The following SRBD1 variants were observed in gnomAD, a reference collection of about 807,000 sequenced individuals.
SRBD1 encodes the protein S1 RNA-binding domain-containing protein 1.
In SRBD1, 88 loss-of-function variants were observed where a neutral mutation model predicts 115.3. The ratio of observed to expected loss-of-function variants is 0.76; its 90% CI spans 0.64 to 0.91. The LOEUF (loss-of-function observed/expected upper bound fraction) is 0.91. Ranked by LOEUF, SRBD1 falls within the 40% of genes least tolerant of loss-of-function variation. The pLI, the probability that SRBD1 is intolerant of heterozygous loss-of-function variation, is 0.00. For synonymous variants in SRBD1, 509 were observed against 407.7 expected (o/e 1.25, Z -2.99); for missense variants, 1,385 against 1,177.4 (o/e 1.18, Z -2.58).
Position 45,605,418 on chromosome 2 carries a change from C to T in SRBD1, c.24G>A (p.Ala8=), listed in dbSNP as rs200981285. The change falls in exon 2 of 21, where the codon GCG becomes GCA. Residue 8 remains alanine (A), a synonymous_variant. Coordinates refer to ENST00000263736, the MANE Select transcript of SRBD1 (RefSeq NM_018079.5). ...GTACCACATCCTGGACCTGTACTTT[C>T]GCTCTTCTTGGCAATGATGACATCT... MSSLPRR[A]KVQVQDVVLK... is the part of the protein sequence containing the mutation. 38 of 1,613,690 alleles carry T rather than the reference C, an allele frequency of 2.4e-5. No homozygotes were observed. The highest frequency in any genetic ancestry group is 2.9e-5 in the Non-Finnish European group (34 of 1,179,976).
At chr2:45,410,688 C>T (rs1165395921) in intron 19 of SRBD1, among the ~76,000 whole-genome samples, 2 of 152,180 alleles carry the variant, frequency 1.3e-5, no homozygotes, top group Non-Finnish European at 2.9e-5. Context: ...TCACCTTCAG[C>T]TCCAGACCCC....
chr2:45,605,909 A>C (rs1300411059), intron 1 of SRBD1, among the ~76,000 whole-genome samples: 1 of 151,570 alleles, frequency 6.6e-6, no homozygotes, highest in East Asian at 1.9e-4. Context: ...GTCTCAAAAA[A>C]AAAAAAAAAA....
At chr2:45,445,551 A>T (rs11422397) in intron 16 of SRBD1, among the ~76,000 whole-genome samples, 13 of 69,598 alleles carry the variant, frequency 1.9e-4, no homozygotes, top group African/African-American at 4.6e-4. Flanking sequence ...TCCCAGAGGT[A>T]AAAAAAAAAA....
rs936849569 is a variant in SRBD1, at chr2:45,463,029, G to T, written c.2049+13964C>A. Among the ~76,000 whole-genome samples, 54 of 76,874 alleles carry T rather than the reference G, an allele frequency of 7.0e-4. 2 individuals carry two copies. In the South Asian group the frequency reaches 0.015, roughly 22 times the overall value. The allele number at this position is 76,874 out of a possible 152,430, so 50.4% of individuals were successfully genotyped here. The stretch of plus-strand genomic sequence containing the variant: ...GTTGAGAATAACCCGGGGGGGGGGG[G>T]GGAAATCTCTCTTGTCAATATAATT... On this transcript the variant is annotated intron_variant, in intron 16 of 20. Coordinates refer to ENST00000263736, the MANE Select transcript of SRBD1 (RefSeq NM_018079.5).
chr2:45,420,989 G>A (rs1024307120), intron 16 of SRBD1, among the ~76,000 whole-genome samples: 2 of 152,164 alleles, frequency 1.3e-5, no homozygotes, highest in African/African-American at 2.4e-5. Flanking sequence ...GTTATTAACA[G>A]AAGACATTTT....
chr2:45,516,126 T>TA (rs1399433989), intron 14 of SRBD1, among the ~76,000 whole-genome samples: 2 of 152,184 alleles, frequency 1.3e-5, no homozygotes, highest in African/African-American at 4.8e-5. Context: ...TGTGTTTAAT[T>TA]AAAAAACAAA....
rs561724623 is a variant in SRBD1, at chr2:45,554,764, G to A, written c.1410-1034C>T. On this transcript the variant is annotated intron_variant, in intron 10 of 20. Coordinates refer to ENST00000263736, the MANE Select transcript of SRBD1 (RefSeq NM_018079.5). ...CAGCACATTCAGCATTAATCATGAG[G>A]TCAGCTCACTCTCTGACCTGCTTCC... 2.0e-5 allele frequency among the ~76,000 whole-genome samples: 3 copies of A among 151,882 alleles called. No homozygotes were observed. The South Asian group carries it at 6.3e-4, about 32-fold the overall frequency.
At chr2:45,580,613 C>T (rs1052524598) in intron 6 of SRBD1, among the ~76,000 whole-genome samples, 2 of 149,328 alleles carry the variant, frequency 1.3e-5, no homozygotes, top group Non-Finnish European at 3.0e-5. Context: ...CCCGCCTCGG[C>T]CTCCCAAAGT....
chr2:45,461,023 C>G (rs1013257266), intron 16 of SRBD1, among the ~76,000 whole-genome samples: 1 of 152,208 alleles, frequency 6.6e-6, no homozygotes, highest in Admixed American at 6.5e-5. Flanking sequence ...CCCAGTCTAC[C>G]CTGTTTACAG....
rs186143403 is a variant in SRBD1, at chr2:45,590,745, G to A, written c.649-4971C>T. Among the ~76,000 whole-genome samples, 829 of 152,258 alleles carry A rather than the reference G, an allele frequency of 5.4e-3. 4 individuals carry two copies. Among genetic ancestry groups the A allele is most frequent in the Non-Finnish European group, 6.9e-3 (467 of 68,012 alleles). ...TTAAACCTCTTCCCTGGCCAGGTGC[G>A]GTGGCTCATGCCTGTAATCCCAGCA... is the stretch of plus-strand genomic sequence containing the variant. On this transcript the variant is annotated intron_variant, in intron 4 of 20. Transcript: ENST00000263736.
intron 14 of SRBD1, chr2:45,546,284 T>C: frequency 1.0e-6 from 1 of 985,392 alleles, no homozygotes; most frequent in Non-Finnish European, 1.2e-6. Context: ...GAGGAAAGAA[T>C]ACTGGAAATA....
chr2:45,579,722 A>G (rs1336752253), intron 7 of SRBD1, among the ~76,000 whole-genome samples, 153 bp downstream of exon 7: 1 of 152,122 alleles, frequency 6.6e-6, no homozygotes, highest in Non-Finnish European at 1.5e-5. Context: ...TGGCTACTCA[A>G]TAGGTATGTC....
chr2:45,544,678 G>A (rs1483878136), intron 14 of SRBD1, among the ~76,000 whole-genome samples: 3 of 151,950 alleles, frequency 2.0e-5, no homozygotes, highest in African/African-American at 4.8e-5. Flanking sequence ...ATTGCATCAA[G>A]GTGAAAATAA....
At chr2:45,561,008 A>G (rs1393082639) in intron 10 of SRBD1, among the ~76,000 whole-genome samples, 2 of 152,054 alleles carry the variant, frequency 1.3e-5, no homozygotes, top group African/African-American at 2.4e-5. Flanking sequence ...ACAGGAGACT[A>G]AAGTGGGAGA....
chr2:45,529,876 G>C (rs1009969897), intron 14 of SRBD1, among the ~76,000 whole-genome samples: 1 of 151,940 alleles, frequency 6.6e-6, no homozygotes, highest in African/African-American at 2.4e-5. Flanking sequence ...ACAGTACAAA[G>C]GCTTCTTTGC....
chr2:45,517,384 ATGT>A (rs1671152276), intron 14 of SRBD1, among the ~76,000 whole-genome samples: 1 of 152,222 alleles, frequency 6.6e-6, no homozygotes, highest in South Asian at 2.1e-4. Flanking sequence ...TCATTATAAC[ATGT>A]TGTGGTAACA....
At chr2:45,497,280 C>T (rs1670488442) in intron 14 of SRBD1, among the ~76,000 whole-genome samples, 1 of 152,164 alleles carries the variant, frequency 6.6e-6, no homozygotes, top group African/African-American at 2.4e-5. Context: ...ATACCAAGAA[C>T]ATGAAAGGCC....
intron 16 of SRBD1, among the ~76,000 whole-genome samples, chr2:45,435,755 T>C (rs1367319456): frequency 6.6e-6 from 1 of 152,108 alleles, no homozygotes; most frequent in Non-Finnish European, 1.5e-5. Context: ...GAGAAAGGAT[T>C]ACACTACCCC....
intron 15 of SRBD1, among the ~76,000 whole-genome samples, chr2:45,482,924 A>G (rs1241491214): frequency 6.6e-6 from 1 of 152,130 alleles, no homozygotes; most frequent in East Asian, 1.9e-4. Context: ...TGCTATGTAA[A>G]TAATTGTTAT....
Sources: gnomAD v4.1 joint callset for allele counts (sites outside exome capture counted in the v4.1 genomes callset) on GRCh38, gnomAD v4.1.1 for gene constraint, MANE v1.5 for transcripts, NCBI Gene and HGNC (gene_info 2026-07-23, HGNC 2026-07-21) for gene names.